CCNT1: variants seen among roughly 807,000 people sequenced by gnomAD.
The protein encoded by CCNT1 is cyclin T1.
In CCNT1, 18 loss-of-function variants were observed where a neutral mutation model predicts 67.3. That is an observed-to-expected ratio of 0.27 (90% CI 0.18 to 0.40). CCNT1 has a LOEUF of 0.40. Among genes scored for constraint, CCNT1 ranks in the 10% least tolerant of loss-of-function variants. The pLI, the probability that CCNT1 is intolerant of heterozygous loss-of-function variation, is 1.00. For missense variants in CCNT1, 744 were observed against 884.9 expected (o/e 0.84, Z 2.02); for synonymous variants, 333 against 310.3 (o/e 1.07, Z -0.77).
intron 6 of CCNT1, 83 bp downstream of exon 6, chr12:48,698,055 A>C (rs1723231153): frequency 1.3e-6 from 1 of 765,670 alleles, no homozygotes; most frequent in Non-Finnish European, 2.0e-6. Flanking sequence ...CATTCACCAG[A>C]GAATTATCTA....
intron 2 of CCNT1, among the ~76,000 whole-genome samples, chr12:48,711,548 T>C (rs1940451061): frequency 6.6e-6 from 1 of 152,192 alleles, no homozygotes; most frequent in South Asian, 2.1e-4. Flanking sequence ...GGAAGAATTA[T>C]AGAAAACCTT....
chr12:48,700,987 A>C (rs775465512), intron 4 of CCNT1, 26 bp downstream of exon 4: 1 of 1,356,050 alleles, frequency 7.4e-7, no homozygotes, highest in Non-Finnish European at 1.0e-6. Context: ...AATTTAAAAA[A>C]ATGTTTCAAA....
At chr12:48,714,383 G>C in intron 2 of CCNT1, 60 bp downstream of exon 2, 1 of 1,053,830 alleles carries the variant, frequency 9.5e-7, no homozygotes, top group Non-Finnish European at 1.5e-6. Context: ...AACCACAAAT[G>C]GAATAGGTAG....
chr12:48,698,114 A>C lies in CCNT1; in HGVS notation c.542+24T>G, dbSNP rs368136367. 7.9e-6 allele frequency: 12 copies of C among 1,521,974 alleles called. No homozygotes were observed. In the African/African-American group the frequency reaches 1.4e-4, roughly 18 times the overall value. 94.3% of individuals were successfully genotyped at this position (1,521,974 alleles called of 1,614,324 possible). On this transcript the variant is annotated intron_variant, in intron 6 of 8. Coordinates refer to ENST00000261900, the MANE Select transcript of CCNT1 (RefSeq NM_001240.4). ...TAAAGTCCTATACCAAAAATCGAAG[A>C]GAAAAAAAAATTAAAATATAAACCT...
chr12:48,696,209 C>A, intron 6 of CCNT1, 47 bp from the exon 7 acceptor site: 5 of 586,450 alleles, frequency 8.5e-6, no homozygotes, highest in South Asian at 2.5e-5. Context: ...GCTCTCAATT[C>A]TCAGCCCAAA....
chr12:48,691,753 C>T lies in CCNT1; in HGVS notation c.*1280G>A, dbSNP rs965571993. On this transcript the variant is annotated 3_prime_UTR_variant, in exon 9 of 9. Coordinates refer to ENST00000261900, the MANE Select transcript of CCNT1 (RefSeq NM_001240.4). ...CATGGCACCAGTACTGTTAAATTCA[C>T]AAGCTCCAATCTCAAGTCATATAGG... is the stretch of plus-strand genomic sequence containing the variant. 5 of 152,224 alleles carry T rather than the reference C, an allele frequency of 3.3e-5. No homozygotes were observed. The highest frequency in any genetic ancestry group is 5.9e-5 in the Non-Finnish European group (4 of 68,042). 9.4% of individuals were successfully genotyped at this position (152,224 alleles called of 1,614,324 possible).
At chr12:48,702,890 TG>T (rs570319281) in intron 3 of CCNT1, among the ~76,000 whole-genome samples, 2 of 150,926 alleles carry the variant, frequency 1.3e-5, no homozygotes, top group Non-Finnish European at 3.0e-5. Context: ...GAGGCCAGTA[TG>T]GGAGGATTCT....
chr12:48,692,978 A>G lies in CCNT1; in HGVS notation c.*55T>C. On this transcript the variant is annotated 3_prime_UTR_variant, in exon 9 of 9. Coordinates refer to ENST00000261900, the MANE Select transcript of CCNT1 (RefSeq NM_001240.4). Reference sequence around the variant, plus strand: ...AATTTTCTTAGTCCAAAAAAAAAAAAGAAAAATTATGTGTTTTTTTAAAGA... The same window carrying G: ...AATTTTCTTAGTCCAAAAAAAAAAAGGAAAAATTATGTGTTTTTTTAAAGA... The G allele has an allele frequency of 8.5e-7, 1 of 1,175,176 alleles. No homozygotes were observed. The highest frequency in any genetic ancestry group is 1.2e-6 in the Non-Finnish European group (1 of 848,886). The allele number at this position is 1,175,176 out of a possible 1,614,324, so 72.8% of individuals were successfully genotyped here.
At chr12:48,712,876 G>A (rs947997439) in intron 2 of CCNT1, among the ~76,000 whole-genome samples, 1 of 151,772 alleles carries the variant, frequency 6.6e-6, no homozygotes, top group Non-Finnish European at 1.5e-5. Context: ...CGAGGCGGAG[G>A]TTGCAAAGGG....
intron 3 of CCNT1, among the ~76,000 whole-genome samples, chr12:48,702,695 G>A (rs1408758428): frequency 6.6e-6 from 1 of 152,184 alleles, no homozygotes; most frequent in Non-Finnish European, 1.5e-5. Flanking sequence ...AATGCAGGTA[G>A]TAATCCCAGC....
chr12:48,695,887 G>A, intron 7 of CCNT1, 58 bp from the exon 8 acceptor site: 1 of 1,523,282 alleles, frequency 6.6e-7, no homozygotes, highest in Non-Finnish European at 9.1e-7. Flanking sequence ...AATGAAACAA[G>A]AATAACCTGA....
chr12:48,699,039 A>T (rs1940225527), intron 5 of CCNT1, among the ~76,000 whole-genome samples: 1 of 152,198 alleles, frequency 6.6e-6, no homozygotes, highest in African/African-American at 2.4e-5. Flanking sequence ...AATGTAATAT[A>T]TTACAATGAA....
At chr12:48,713,223 C>T (rs1192736844) in intron 2 of CCNT1, among the ~76,000 whole-genome samples, 2 of 134,348 alleles carry the variant, frequency 1.5e-5, no homozygotes, top group African/African-American at 2.8e-5. Context: ...TTTGTAGAAA[C>T]GGGGTCTCAC....
chr12:48,693,655 T>C lies in CCNT1; in HGVS notation c.1559A>G (p.His520Arg). 1 of 1,614,092 alleles carries C rather than the reference T, an allele frequency of 6.2e-7. No homozygotes were observed. Among genetic ancestry groups the C allele is most frequent in the Non-Finnish European group, 8.5e-7 (1 of 1,179,986 alleles). ...GTGCTTGTGTGAGTGGTGATTATGA[T>C]GATGATGATGATTAGATGGGTGAGT... Reference protein sequence around the residue: ...HKTHPSNHHHHHNHHSHKHSH... With the variant: ...HKTHPSNHHHRHNHHSHKHSH... Residue 520 changes from histidine to arginine, a missense_variant, in exon 9 of 9, where the codon CAT (histidine) becomes CGT (arginine). Coordinates refer to ENST00000261900, the MANE Select transcript of CCNT1 (RefSeq NM_001240.4).
In CCNT1 at chr12:48,696,237, T is replaced by C. The variant is rs759341007; in HGVS notation, c.543-75A>G. 3.2e-3 allele frequency: 885 copies of C among 277,832 alleles called. 3 individuals carry two copies. Among genetic ancestry groups the C allele is most frequent in the Non-Finnish European group, 3.3e-3 (668 of 204,906 alleles). 17.2% of individuals were successfully genotyped at this position (277,832 alleles called of 1,614,324 possible). ...AGCCCAAAGCTAAAACTCTCCATTA[T>C]TTAAAAAAAAAAAAAAAAAAAAAAA... On this transcript the variant is annotated intron_variant, in intron 6 of 8. Transcript: ENST00000261900.
chr12:48,704,397 C>G (rs1940321845), intron 3 of CCNT1, among the ~76,000 whole-genome samples: 1 of 152,204 alleles, frequency 6.6e-6, no homozygotes, highest in Non-Finnish European at 1.5e-5. Context: ...AGCACTTGAA[C>G]CCTGTGGTGA....
At chr12:48,709,960 A>T (rs1313015044) in intron 2 of CCNT1, among the ~76,000 whole-genome samples, 1 of 151,048 alleles carries the variant, frequency 6.6e-6, no homozygotes, top group African/African-American at 2.4e-5. Flanking sequence ...GCACGATCTC[A>T]GCTCACTGCA....
chr12:48,695,620 TGA>T, intron 8 of CCNT1, 137 bp downstream of exon 8: 1 of 628,880 alleles, frequency 1.6e-6, no homozygotes, highest in Non-Finnish European at 2.8e-6. Flanking sequence ...ATCCAAGGTA[TGA>T]AGTAGAAGTC....
At chr12:48,707,808 C>T (rs1940385986) in intron 2 of CCNT1, among the ~76,000 whole-genome samples, 1 of 152,130 alleles carries the variant, frequency 6.6e-6, no homozygotes, top group Non-Finnish European at 1.5e-5. Flanking sequence ...CCTGTAATCC[C>T]AGCACTTTGG....
Sources: gnomAD v4.1 joint callset for allele counts (sites outside exome capture counted in the v4.1 genomes callset) on GRCh38, gnomAD v4.1.1 for gene constraint, MANE v1.5 for transcripts, NCBI Gene and HGNC (gene_info 2026-07-23, HGNC 2026-07-21) for gene names.